KIAA1958: variants seen among roughly 807,000 people sequenced by gnomAD.
KIAA1958 encodes the protein KIAA1958, also known as uncharacterized protein KIAA1958.
A neutral mutation model predicts 47.2 loss-of-function variants in KIAA1958; 14 were observed. The observed-to-expected ratio is 0.30, with a 90% CI of 0.20 to 0.46. KIAA1958 has a LOEUF of 0.46. Among genes scored for constraint, KIAA1958 ranks in the 20% least tolerant of loss-of-function variants. KIAA1958 has a pLI of 1.00. For missense variants in KIAA1958, 803 were observed against 909.2 expected (o/e 0.88, Z 1.50); for synonymous variants, 354 against 353.3 (o/e 1.00, Z -0.02).
chr9:112,519,339 T>C (rs1261012571), intron 1 of KIAA1958, among the ~76,000 whole-genome samples: 1 of 152,220 alleles, frequency 6.6e-6, no homozygotes, highest in Non-Finnish European at 1.5e-5. Flanking sequence ...ACAAATTGGA[T>C]GTTTCTTTAT....
chr9:112,586,473 T>C (rs1461561437), intron 2 of KIAA1958, among the ~76,000 whole-genome samples: 1 of 152,190 alleles, frequency 6.6e-6, no homozygotes, highest in Non-Finnish European at 1.5e-5. Flanking sequence ...AATGCATAAT[T>C]TTCTGAGAAA....
At chr9:112,579,703 A>T (rs1835706068) in intron 2 of KIAA1958, among the ~76,000 whole-genome samples, 1 of 152,206 alleles carries the variant, frequency 6.6e-6, no homozygotes, top group Non-Finnish European at 1.5e-5. Context: ...AGTCTAAGTC[A>T]TTTAATATGC....
intron 2 of KIAA1958, among the ~76,000 whole-genome samples, chr9:112,637,231 CT>C (rs1836818058): frequency 6.6e-6 from 1 of 152,158 alleles, no homozygotes; most frequent in African/African-American, 2.4e-5. Context: ...CATATTCACA[CT>C]TTCCAATATT....
rs183603298 is a variant in KIAA1958, at chr9:112,638,900, A to C, written c.1172-6750A>C. On this transcript the variant is annotated intron_variant, in intron 2 of 3. Transcript: ENST00000337530. The stretch of plus-strand genomic sequence containing the variant: ...CACCTGCTTGTTACCCATTTATTGA[A>C]TTCTCAATTCATTATTGCCTTTTTA... 5.4e-3 allele frequency among the ~76,000 whole-genome samples: 825 copies of C among 152,250 alleles called. 4 individuals carry two copies. Among genetic ancestry groups the C allele is most frequent in the African/African-American group, 0.019 (772 of 41,542 alleles).
chr9:112,532,891 C>G (rs1834774538), intron 1 of KIAA1958, among the ~76,000 whole-genome samples: 1 of 152,162 alleles, frequency 6.6e-6, no homozygotes, highest in African/African-American at 2.4e-5. Context: ...TGCAACAAAA[C>G]TTGGCCATCT....
chr9:112,500,778 C>A (rs771995193), intron 1 of KIAA1958, among the ~76,000 whole-genome samples: 2 of 151,932 alleles, frequency 1.3e-5, no homozygotes, highest in Non-Finnish European at 2.9e-5. Flanking sequence ...AGAAAAACGA[C>A]GCACTGATAA....
At chr9:112,559,802 C>G (rs975587116) in intron 1 of KIAA1958, among the ~76,000 whole-genome samples, 2 of 152,184 alleles carry the variant, frequency 1.3e-5, no homozygotes, top group African/African-American at 4.8e-5. Context: ...TACTATACTT[C>G]TTTGAGTGGG....
chr9:112,627,982 A>G (rs1836647035), intron 2 of KIAA1958, among the ~76,000 whole-genome samples: 1 of 152,216 alleles, frequency 6.6e-6, no homozygotes, highest in African/African-American at 2.4e-5. Flanking sequence ...AGTAAAGAGA[A>G]AATCGTTTCA....
At chr9:112,527,807 C>A (rs748354769) in intron 1 of KIAA1958, among the ~76,000 whole-genome samples, 4 of 151,672 alleles carry the variant, frequency 2.6e-5, no homozygotes, top group Admixed American at 2.0e-4. Context: ...CATGGTGGTG[C>A]GTGCCTGTGG....
At chr9:112,534,046 G>A in intron 1 of KIAA1958, among the ~76,000 whole-genome samples, 1 of 152,160 alleles carries the variant, frequency 6.6e-6, no homozygotes, top group East Asian at 1.9e-4. Flanking sequence ...TTTGAAGCCT[G>A]GCCTCACCAT....
Position 112,667,707 on chromosome 9 carries a change from G to C in KIAA1958, c.*7638G>C, listed in dbSNP as rs1837368973. ...GTGAGGGGGAAAAGTTGTGACTTTG[G>C]AATTTTATACATATTTTATATGTTA... On this transcript the variant is annotated 3_prime_UTR_variant, in exon 4 of 4. Transcript: ENST00000337530. 1 of 152,134 alleles carries C rather than the reference G, an allele frequency of 6.6e-6. No individual in the cohort carries two copies. Among genetic ancestry groups the C allele is most frequent in the African/African-American group, 2.4e-5 (1 of 41,432 alleles). 9.4% of individuals were successfully genotyped at this position (152,134 alleles called of 1,614,324 possible). A position where few individuals can be genotyped will look rare whatever the true frequency, so the allele number is the denominator to read the frequency against.
intron 2 of KIAA1958, among the ~76,000 whole-genome samples, chr9:112,631,648 ATAG>A (rs1036148372): frequency 6.6e-6 from 1 of 152,172 alleles, no homozygotes; most frequent in African/African-American, 2.4e-5. Flanking sequence ...TAATTGATAA[ATAG>A]TAATATCAAA....
At chr9:112,519,463 T>G (rs893144990) in intron 1 of KIAA1958, among the ~76,000 whole-genome samples, 6 of 152,226 alleles carry the variant, frequency 3.9e-5, no homozygotes, top group African/African-American at 1.4e-4. Flanking sequence ...GCACCAAGTA[T>G]TTAAATATAA....
chr9:112,644,121 T>G (rs146997886), intron 2 of KIAA1958, among the ~76,000 whole-genome samples: 4 of 151,868 alleles, frequency 2.6e-5, no homozygotes, highest in Non-Finnish European at 5.9e-5. Flanking sequence ...GAGGTTGCAG[T>G]GAGCCAAGAT....
chr9:112,617,818 TTGTCTGAAC>T, intron 2 of KIAA1958: 1 of 1,338,202 alleles, frequency 7.5e-7, no homozygotes, highest in Admixed American at 2.6e-5. Flanking sequence ...AGAAAGTGCA[TTGTCTGAAC>T]TCATCAACAC....
chr9:112,503,606 G>A (rs937511849), intron 1 of KIAA1958, among the ~76,000 whole-genome samples: 1 of 111,492 alleles, frequency 9.0e-6, no homozygotes, highest in Admixed American at 1.2e-4. Context: ...AACAGAGCGA[G>A]ACCCTGTCTC....
chr9:112,538,497 A>G (rs928584443), intron 1 of KIAA1958, among the ~76,000 whole-genome samples: 3 of 152,232 alleles, frequency 2.0e-5, no homozygotes, highest in Non-Finnish European at 2.9e-5. Flanking sequence ...TGAAAAACAA[A>G]AACAAATTTC....
At chr9:112,599,521 G>C (rs1265716385) in intron 2 of KIAA1958, among the ~76,000 whole-genome samples, 2 of 152,186 alleles carry the variant, frequency 1.3e-5, no homozygotes, top group East Asian at 3.9e-4. Context: ...GAAAACAATG[G>C]AACAACATGT....
rs75319344 is a variant in KIAA1958 at position 112,635,588 on chromosome 9, T to A, written c.1172-10062T>A. On this transcript the variant is annotated intron_variant, in intron 2 of 3. Transcript: ENST00000337530. Reference sequence around the variant, plus strand: ...AATGGGTATAAGACTTTTCAAACTTTCTTTCTTACCCAGTTTTGGTGAGTT... The same window carrying A: ...AATGGGTATAAGACTTTTCAAACTTACTTTCTTACCCAGTTTTGGTGAGTT... Among the ~76,000 whole-genome samples, 1,260 of 152,108 alleles carry A rather than the reference T, an allele frequency of 8.3e-3. 13 individuals are homozygous for A. Among genetic ancestry groups the A allele is most frequent in the African/African-American group, 0.029 (1,181 of 41,368 alleles).
Sources: gnomAD v4.1 joint callset for allele counts (sites outside exome capture counted in the v4.1 genomes callset) on GRCh38, gnomAD v4.1.1 for gene constraint, MANE v1.5 for transcripts, NCBI Gene and HGNC (gene_info 2026-07-23, HGNC 2026-07-21) for gene names.